The following SDK1 variants were observed in gnomAD, a reference collection of about 807,000 sequenced individuals.
SDK1 encodes the protein sidekick cell adhesion molecule 1, also known as protein sidekick-1.
SDK1 carries 157 observed loss-of-function variants against 245.5 expected under a neutral mutation model. The observed-to-expected ratio is 0.64, with a 90% CI of 0.56 to 0.73. The LOEUF (loss-of-function observed/expected upper bound fraction) is 0.73. Among genes scored for constraint, SDK1 ranks in the 30% least tolerant of loss-of-function variants. The pLI, the probability that SDK1 is intolerant of heterozygous loss-of-function variation, is 0.00. For synonymous variants in SDK1, 1,647 were observed against 1,278.5 expected (o/e 1.29, Z -6.15); for missense variants, 3,583 against 3,002.3 (o/e 1.19, Z -4.52).
intron 27 of SDK1, 72 bp from the exon 28 acceptor site, chr7:4,132,253 A>T (rs1477126325): frequency 5.7e-6 from 7 of 1,235,214 alleles, no homozygotes; most frequent in Non-Finnish European, 8.2e-6. Flanking sequence ...GACCCTCGGA[A>T]TCCTGTGTAA....
At chr7:4,129,773 C>A in intron 26 of SDK1, 135 bp from the exon 27 acceptor site, 1 of 1,499,366 alleles carries the variant, frequency 6.7e-7, no homozygotes, top group African/African-American at 1.4e-5. Flanking sequence ...GATCCAGAAG[C>A]CCTGCACACA....
At chr7:3,562,620 G>T (rs541731779) in intron 1 of SDK1, among the ~76,000 whole-genome samples, 3 of 152,258 alleles carry the variant, frequency 2.0e-5, no homozygotes, top group East Asian at 1.9e-4. Flanking sequence ...GAGGAAACTG[G>T]TTTTTAAAAC....
intron 1 of SDK1, among the ~76,000 whole-genome samples, chr7:3,416,680 C>G (rs1490570528): frequency 6.6e-6 from 1 of 152,090 alleles, no homozygotes; most frequent in African/African-American, 2.4e-5. Context: ...ACCTTCAGGT[C>G]TGGAAGAAGA....
chr7:3,923,274 G>C (rs1301829656), intron 5 of SDK1, among the ~76,000 whole-genome samples: 2 of 151,814 alleles, frequency 1.3e-5, no homozygotes, highest in African/African-American at 4.8e-5. Context: ...CATTATTATG[G>C]ACTTTTTTTT....
chr7:3,590,783 T>TA (rs1780843741), intron 1 of SDK1, among the ~76,000 whole-genome samples: 1 of 150,176 alleles, frequency 6.7e-6, no homozygotes, highest in Non-Finnish European at 1.5e-5. Flanking sequence ...TAGCACTTTT[T>TA]TTTTTTTTTT....
At chr7:3,742,953 C>T (rs575626550) in intron 4 of SDK1, among the ~76,000 whole-genome samples, 2 of 152,322 alleles carry the variant, frequency 1.3e-5, no homozygotes, top group South Asian at 4.2e-4. Context: ...GACTGGTTTT[C>T]TACCAGATGA....
chr7:4,217,457 C>CACCAGGCCACCCGGAGA (rs1784884528), intron 38 of SDK1, among the ~76,000 whole-genome samples: 3 of 103,086 alleles, frequency 2.9e-5, no homozygotes, highest in South Asian at 7.2e-4. Context: ...CCACCCGGAG[C>CACCAGGCCACCCGGAGA]ACCACACCAC....
intron 4 of SDK1, among the ~76,000 whole-genome samples, chr7:3,788,558 C>G (rs983140908): frequency 6.6e-6 from 1 of 152,136 alleles, no homozygotes; most frequent in East Asian, 1.9e-4. Flanking sequence ...ATTCCTATAC[C>G]TTTTGGTCAG....
intron 1 of SDK1, among the ~76,000 whole-genome samples, chr7:3,576,181 G>T (rs576145247): frequency 1.2e-4 from 19 of 152,196 alleles, no homozygotes; most frequent in African/African-American, 4.6e-4. Flanking sequence ...TCTCTTAAGG[G>T]ATATTATAAA....
chr7:3,985,333 C>A (rs909821464), intron 13 of SDK1, among the ~76,000 whole-genome samples: 20 of 152,238 alleles, frequency 1.3e-4, no homozygotes, highest in Admixed American at 1.3e-4. Context: ...TTCATATTTT[C>A]TTTTCAGGTG....
chr7:3,340,607 C>CA (rs1278802489), intron 1 of SDK1, among the ~76,000 whole-genome samples: 21 of 151,288 alleles, frequency 1.4e-4, no homozygotes, highest in South Asian at 4.2e-4. Context: ...CTAAAAATAC[C>CA]AAAAAAATAG....
chr7:3,636,289 G>A (rs538679493), intron 2 of SDK1, among the ~76,000 whole-genome samples: 1 of 152,132 alleles, frequency 6.6e-6, no homozygotes, highest in Non-Finnish European at 1.5e-5. Context: ...TCCTGTAAAT[G>A]CTATGCTGCA....
At chr7:3,966,056 T>C (rs1782060383) in intron 9 of SDK1, among the ~76,000 whole-genome samples, 1 of 151,888 alleles carries the variant, frequency 6.6e-6, no homozygotes, top group Non-Finnish European at 1.5e-5. Context: ...AGAAGGGACA[T>C]GAAAGCCTTT....
intron 33 of SDK1, among the ~76,000 whole-genome samples, chr7:4,174,754 T>TGGA (rs1782081173): frequency 6.6e-6 from 1 of 152,156 alleles, no homozygotes; most frequent in Non-Finnish European, 1.5e-5. Flanking sequence ...AGCCTCAGCG[T>TGGA]GGAGCCCATG....
rs188701566 is a variant in SDK1, at chr7:3,689,174, A to G, written c.713+47069A>G. Reference sequence around the variant, plus strand: ...GTTTGCTATCTGGCCCTTTACAGAAAATGCTTGCCACCCTCTTTCCTAAGA... The same window carrying G: ...GTTTGCTATCTGGCCCTTTACAGAAGATGCTTGCCACCCTCTTTCCTAAGA... On this transcript the variant is annotated intron_variant, in intron 4 of 44. Coordinates refer to ENST00000404826, the MANE Select transcript of SDK1 (RefSeq NM_152744.4). Among the ~76,000 whole-genome samples, 31 of 152,180 alleles carry G rather than the reference A, an allele frequency of 2.0e-4. No homozygotes were observed. In the East Asian group the frequency reaches 5.8e-3, roughly 29 times the overall value.
chr7:3,573,178 A>C (rs1257821211), intron 1 of SDK1, among the ~76,000 whole-genome samples: 1 of 152,128 alleles, frequency 6.6e-6, no homozygotes, highest in Non-Finnish European at 1.5e-5. Context: ...TGAAATACTT[A>C]GGAAGATTAC....
intron 1 of SDK1, among the ~76,000 whole-genome samples, chr7:3,316,824 C>G (rs1481651272): frequency 6.6e-6 from 1 of 152,064 alleles, no homozygotes; most frequent in Non-Finnish European, 1.5e-5. Flanking sequence ...TTGTATCCCC[C>G]TTTTTTGCTT....
chr7:3,423,235 T>C (rs181287927), intron 1 of SDK1, among the ~76,000 whole-genome samples: 3 of 152,330 alleles, frequency 2.0e-5, no homozygotes, highest in Admixed American at 6.5e-5. Context: ...GTGGCCAATA[T>C]AGTTGACTTG....
intron 5 of SDK1, among the ~76,000 whole-genome samples, chr7:3,902,749 A>G (rs558554110): frequency 6.6e-6 from 1 of 152,342 alleles, no homozygotes; most frequent in East Asian, 1.9e-4. Context: ...CATTCTCAAC[A>G]ATGCTTCATA....
Sources: allele counts gnomAD v4.1 joint callset (sites outside exome capture counted in the v4.1 genomes callset), GRCh38; gene constraint gnomAD v4.1.1; transcripts MANE v1.5; gene names NCBI Gene and HGNC (gene_info 2026-07-23, HGNC 2026-07-21).